SLC37A1: variants seen among roughly 807,000 people sequenced by gnomAD.
SLC37A1 encodes glucose-6-phosphate exchanger SLC37A1.
Under a neutral mutation model 75.3 loss-of-function variants are expected in SLC37A1, and 49 were observed. That is an observed-to-expected ratio of 0.65 (90% CI 0.52 to 0.83). The LOEUF is 0.83. Among genes scored for constraint, SLC37A1 ranks in the 40% least tolerant of loss-of-function variants. The pLI, the probability that SLC37A1 is intolerant of heterozygous loss-of-function variation, is 0.00. For synonymous variants in SLC37A1, 268 were observed against 292.1 expected (o/e 0.92, Z 0.84); for missense variants, 566 against 695.0 (o/e 0.81, Z 2.09).
chr21:42,532,318 T>C (rs1568999034), intron 3 of SLC37A1, among the ~76,000 whole-genome samples: 1 of 152,260 alleles, frequency 6.6e-6, no homozygotes, highest in Non-Finnish European at 1.5e-5. Context: ...TATAAAATTC[T>C]GTTTTAAGCG....
intron 17 of SLC37A1, among the ~76,000 whole-genome samples, chr21:42,570,438 G>A (rs1393364081): frequency 6.6e-6 from 1 of 152,212 alleles, no homozygotes; most frequent in Non-Finnish European, 1.5e-5. Flanking sequence ...GGATCCAGAG[G>A]GGCTTTGAGT....
At chr21:42,529,824 T>G (rs1230523369) in intron 3 of SLC37A1, among the ~76,000 whole-genome samples, 1 of 152,170 alleles carries the variant, frequency 6.6e-6, no homozygotes, top group Non-Finnish European at 1.5e-5. Flanking sequence ...CCCAGGGCAG[T>G]AAGCGCTATT....
chr21:42,521,391 CCAT>C (rs2054646122), intron 2 of SLC37A1, among the ~76,000 whole-genome samples: 1 of 152,196 alleles, frequency 6.6e-6, no homozygotes, highest in African/African-American at 2.4e-5. Context: ...GGGTTTGAGC[CCAT>C]CCATGCTGCA....
In SLC37A1 at chr21:42,580,435, G is replaced by A; in HGVS notation, c.*75G>A. 1 of 1,530,770 alleles carries A rather than the reference G, an allele frequency of 6.5e-7. No individual in the cohort carries two copies. Among genetic ancestry groups the A allele is most frequent in the Non-Finnish European group, 8.9e-7 (1 of 1,122,764 alleles). The allele number at this position is 1,530,770 out of a possible 1,614,324, so 94.8% of individuals were successfully genotyped here. A position where few individuals can be genotyped will look rare whatever the true frequency, so the allele number is the denominator to read the frequency against. ...GCCTTTCAAGGACAGTTCAGACAAA[G>A]GGCCCTGCATGGAAAGAGTGACCTC... On this transcript the variant is annotated 3_prime_UTR_variant, in exon 20 of 20. Transcript: ENST00000352133.
chr21:42,566,062 G>A (rs933756189), intron 15 of SLC37A1, among the ~76,000 whole-genome samples, 187 bp downstream of exon 15: 1 of 152,240 alleles, frequency 6.6e-6, no homozygotes, highest in Non-Finnish European at 1.5e-5. Flanking sequence ...CCTCTCCCCA[G>A]TGCGAGGCTT....
At chr21:42,530,595 TACACACACACACACACACACACACACAC>T (rs71190427) in intron 3 of SLC37A1, among the ~76,000 whole-genome samples, 103 of 103,234 alleles carry the variant, frequency 1.0e-3, no homozygotes, top group African/African-American at 2.9e-3. Context: ...ATGCAGATGA[TACACACACACACACACACACACACACAC>T]ACACACACAC....
At chr21:42,521,767 CA>C (rs2054655095) in intron 2 of SLC37A1, among the ~76,000 whole-genome samples, 2 of 146,896 alleles carry the variant, frequency 1.4e-5, no homozygotes, top group Non-Finnish European at 3.0e-5. Flanking sequence ...TAGATTAGAT[CA>C]TTTATTTTTT....
chr21:42,526,377 ATAATTTTCT>A (rs1009958063), intron 3 of SLC37A1, among the ~76,000 whole-genome samples: 5 of 152,344 alleles, frequency 3.3e-5, no homozygotes, highest in Non-Finnish European at 4.4e-5. Context: ...AAAAGCAGGA[ATAATTTTCT>A]TACCCTCATT....
intron 2 of SLC37A1, among the ~76,000 whole-genome samples, chr21:42,507,516 G>T (rs1436279775): frequency 1.3e-5 from 2 of 152,210 alleles, no homozygotes; most frequent in African/African-American, 4.8e-5. Flanking sequence ...ACCCGGGAAA[G>T]AGTACTAAAG....
Position 42,554,095 on chromosome 21 carries a change from T to C in SLC37A1, c.802T>C (p.Leu268=), listed in dbSNP as rs2055623907. The C allele has an allele frequency of 1.2e-6, 2 of 1,613,772 alleles. No homozygotes were observed. The highest frequency in any genetic ancestry group is 1.7e-6 in the Non-Finnish European group (2 of 1,179,854). Residue 268 remains leucine, a synonymous_variant, in exon 10 of 20, where the codon TTG becomes CTG. Coordinates refer to ENST00000352133, the MANE Select transcript of SLC37A1 (RefSeq NM_001320537.2). ...SKGYENGTNR[L]RLQKQILKSE... is the part of the protein sequence containing the mutation. Reference sequence around the variant, plus strand: ...AGGCTATGAGAATGGTACAAACAGATTGAGACTCCAGAAGCAAATCTTGAA... The same window carrying C: ...AGGCTATGAGAATGGTACAAACAGACTGAGACTCCAGAAGCAAATCTTGAA...
intron 4 of SLC37A1, among the ~76,000 whole-genome samples, chr21:42,535,216 A>G (rs1396793497): frequency 6.6e-6 from 1 of 152,260 alleles, no homozygotes; most frequent in Non-Finnish European, 1.5e-5. Flanking sequence ...TGCAGCCACC[A>G]TGCACAATGG....
chr21:42,502,240 A>C (rs550829614), intron 1 of SLC37A1: 4 of 152,360 alleles, frequency 2.6e-5, no homozygotes, highest in Admixed American at 2.6e-4. Context: ...ATAAATATTA[A>C]CATCTGAATG....
At chr21:42,512,371 A>G (rs1260066484), upstream of SLC37A1, among the ~76,000 whole-genome samples, 3 of 152,136 alleles carry the variant, frequency 2.0e-5, no homozygotes, top group Non-Finnish European at 2.9e-5. Flanking sequence ...ACAAGATCAG[A>G]TTTTGCTTTA....
At chr21:42,566,286 C>T (rs771586104) in intron 15 of SLC37A1, among the ~76,000 whole-genome samples, 4 of 152,256 alleles carry the variant, frequency 2.6e-5, no homozygotes, top group Non-Finnish European at 4.4e-5. Context: ...TGGGCCACGT[C>T]AGGTAGCCAG....
chr21:42,542,286 A>T (rs371754064), intron 6 of SLC37A1, 118 bp from the exon 7 acceptor site: 3 of 689,084 alleles, frequency 4.4e-6, no homozygotes, highest in Non-Finnish European at 7.4e-6. Flanking sequence ...TTGACAGTCC[A>T]TCTCTGGCTG....
chr21:42,541,244 T>C (rs1456551208), intron 6 of SLC37A1, among the ~76,000 whole-genome samples: 2 of 152,218 alleles, frequency 1.3e-5, no homozygotes, highest in African/African-American at 4.8e-5. Context: ...CAATGCTTGC[T>C]CTCCCACTAC....
In SLC37A1 at chr21:42,563,752, G is replaced by A. The variant is rs1217024707; in HGVS notation, c.1073-63G>A. On this transcript the variant is annotated intron_variant, in intron 12 of 19. Transcript: ENST00000352133. The stretch of plus-strand genomic sequence containing the variant: ...CGTGCACGGGTCCTGTTCTGCCATG[G>A]TGTGTCGCTGCGATGCGTGAAGGAG... The A allele has an allele frequency of 4.6e-6, 7 of 1,510,052 alleles. No individual in the cohort carries two copies. The Admixed American group carries it at 5.0e-5, about 11-fold the overall frequency. The allele number at this position is 1,510,052 out of a possible 1,614,324, so 93.5% of individuals were successfully genotyped here. A position where few individuals can be genotyped will look rare whatever the true frequency, so the allele number is the denominator to read the frequency against.
intron 3 of SLC37A1, among the ~76,000 whole-genome samples, chr21:42,534,255 A>T (rs1468349675): frequency 6.6e-6 from 1 of 152,108 alleles, no homozygotes; most frequent in Non-Finnish European, 1.5e-5. Flanking sequence ...TGTGAGGTTC[A>T]TCCTCATTGT....
chr21:42,554,101 C>T lies in SLC37A1; in HGVS notation c.808C>T (p.Leu270Phe). Residue 270 changes from leucine (L) to phenylalanine (F), a missense_variant, in exon 10 of 20, where the codon CTC (leucine) becomes TTC (phenylalanine). Physicochemically the swap from Leu to Phe is conservative, Grantham distance 22. Coordinates refer to ENST00000352133, the MANE Select transcript of SLC37A1 (RefSeq NM_001320537.2). ...GYENGTNRLR[L>F]QKQILKSEKN... ...TGAGAATGGTACAAACAGATTGAGA[C>T]TCCAGAAGCAAATCTTGAAGAGCGA... is the stretch of plus-strand genomic sequence containing the variant. The T allele has an allele frequency of 6.2e-7, 1 of 1,613,718 alleles. No individual in the cohort carries two copies. The highest frequency in any genetic ancestry group is 8.5e-7 in the Non-Finnish European group (1 of 1,179,876).
Sources: allele counts gnomAD v4.1 joint callset (sites outside exome capture counted in the v4.1 genomes callset), GRCh38; gene constraint gnomAD v4.1.1; transcripts MANE v1.5; gene names NCBI Gene and HGNC (gene_info 2026-07-23, HGNC 2026-07-21).